The following ARID1B variants were observed in gnomAD, a reference collection of about 807,000 sequenced individuals.
The protein encoded by ARID1B is AT-rich interaction domain 1B, also known as AT-rich interactive domain-containing protein 1B.
Under a neutral mutation model 212.3 loss-of-function variants are expected in ARID1B, and 30 were observed. That is an observed-to-expected ratio of 0.14 (90% CI 0.11 to 0.19). The LOEUF (loss-of-function observed/expected upper bound fraction) is 0.19. Among genes scored for constraint, ARID1B ranks in the 10% least tolerant of loss-of-function variants. The pLI is 1.00. For synonymous variants in ARID1B, 1,402 were observed against 1,301.7 expected (o/e 1.08, Z -1.66); for missense variants, 2,891 against 3,204.0 (o/e 0.90, Z 2.36).
At chr6:156,878,211 T>C (rs1383144302) in intron 2 of ARID1B, among the ~76,000 whole-genome samples, 2 of 152,152 alleles carry the variant, frequency 1.3e-5, no homozygotes, top group Non-Finnish European at 2.9e-5. Flanking sequence ...GGCTACCATT[T>C]CAAGGTACCA....
At chr6:156,974,718 T>G (rs1777121787) in intron 4 of ARID1B, among the ~76,000 whole-genome samples, 1 of 152,206 alleles carries the variant, frequency 6.6e-6, no homozygotes, top group African/African-American at 2.4e-5. Context: ...TATTAGCTGT[T>G]TGTTAAATTG....
chr6:156,988,342 T>C (rs901804471), intron 4 of ARID1B, among the ~76,000 whole-genome samples: 1 of 152,216 alleles, frequency 6.6e-6, no homozygotes, highest in Non-Finnish European at 1.5e-5. Flanking sequence ...GTGAGGTGAC[T>C]CACATTTTGT....
chr6:156,884,750 C>T (rs919593981), intron 2 of ARID1B, among the ~76,000 whole-genome samples: 1 of 152,178 alleles, frequency 6.6e-6, no homozygotes, highest in Admixed American at 6.5e-5. Flanking sequence ...TGCCCAGATA[C>T]TAGTGTTGCT....
chr6:156,784,441 T>C (rs760102913), intron 1 of ARID1B, among the ~76,000 whole-genome samples: 7 of 152,210 alleles, frequency 4.6e-5, no homozygotes, highest in Non-Finnish European at 7.3e-5. Context: ...AATTGGGTAA[T>C]TGAGTGAATT....
At chr6:156,960,810 AT>A (rs10716175) in intron 4 of ARID1B, among the ~76,000 whole-genome samples, 85,630 of 151,930 alleles carry the variant, frequency 0.56, 24,779 homozygotes, top group African/African-American at 0.7. Context: ...ACTTTACTGT[AT>A]TTTTTTTAAG....
At chr6:157,104,242 G>A (rs1232110576) in intron 5 of ARID1B, among the ~76,000 whole-genome samples, 6 of 152,206 alleles carry the variant, frequency 3.9e-5, no homozygotes, top group Non-Finnish European at 8.8e-5. Context: ...CAAGGAAGTA[G>A]CAATGGAGAG....
intron 1 of ARID1B, among the ~76,000 whole-genome samples, chr6:156,781,055 AGAT>A (rs1054554269): frequency 6.6e-6 from 1 of 152,212 alleles, no homozygotes; most frequent in African/African-American, 2.4e-5. Flanking sequence ...CTGATAAACA[AGAT>A]TTAAGCTTCA....
chr6:156,924,591 G>A (rs1009091051), intron 3 of ARID1B, among the ~76,000 whole-genome samples: 2 of 152,174 alleles, frequency 1.3e-5, no homozygotes, highest in Admixed American at 6.5e-5. Context: ...ATTTAAAATT[G>A]TGAATTGTTT....
chr6:156,831,635 T>C (rs763219304), intron 2 of ARID1B, among the ~76,000 whole-genome samples: 3 of 152,234 alleles, frequency 2.0e-5, no homozygotes, highest in African/African-American at 7.2e-5. Flanking sequence ...TACACAGATA[T>C]ATAGAGTAAT....
At chr6:156,855,707 G>A (rs1006756230) in intron 2 of ARID1B, among the ~76,000 whole-genome samples, 5 of 152,150 alleles carry the variant, frequency 3.3e-5, no homozygotes, top group African/African-American at 1.2e-4. Context: ...AATTGTGTGT[G>A]TGTTTCTCTG....
rs774701560 is a variant in ARID1B at position 157,084,771 on chromosome 6, C to G, written c.2357C>G (p.Ala786Gly). The change falls in exon 5 of 20, where the codon GCG (alanine) becomes GGG (glycine). Residue 786 changes from alanine (A) to glycine (G), a missense_variant. This residue lies in a region of ARID1B where 1,643 missense variants were observed against 1,544.0 expected (regional missense o/e 1.06). Coordinates refer to ENST00000636930, the MANE Select transcript of ARID1B (RefSeq NM_001374828.1). ...AGCCAAGGGGATCAGAGCAACCCGG[C>G]GCAGTCGCCTTTCTCCCCACATGCG... ...TSSQGDQSNPAQSPFSPHASP... is the reference protein window; with the variant it reads ...TSSQGDQSNPGQSPFSPHASP... 1.2e-6 allele frequency: 2 copies of G among 1,614,014 alleles called. No homozygotes were observed. The highest frequency in any genetic ancestry group is 2.7e-5 in the African/African-American group (2 of 74,920).
chr6:157,039,549 A>G lies in ARID1B; in HGVS notation c.2248-45113A>G, dbSNP rs1359721917. Among the ~76,000 whole-genome samples, 3 of 151,854 alleles carry G rather than the reference A, an allele frequency of 2.0e-5. No individual in the cohort carries two copies. The East Asian group carries it at 5.8e-4, about 29-fold the overall frequency. ...GTTTCACCTTGTTACCCAGGATGGGACATTTCTTTTTACTGCTTCATTATC... is the reference window on the plus strand; with the variant it reads ...GTTTCACCTTGTTACCCAGGATGGGGCATTTCTTTTTACTGCTTCATTATC... On this transcript the variant is annotated intron_variant, in intron 4 of 19. Coordinates refer to ENST00000636930, the MANE Select transcript of ARID1B (RefSeq NM_001374828.1).
At chr6:156,791,507 C>A (rs1214690831) in intron 1 of ARID1B, among the ~76,000 whole-genome samples, 1 of 152,244 alleles carries the variant, frequency 6.6e-6, no homozygotes, top group African/African-American at 2.4e-5. Flanking sequence ...GACTGAAGTG[C>A]CGTGACCTTC....
At chr6:156,874,303 A>G (rs893128256) in intron 2 of ARID1B, among the ~76,000 whole-genome samples, 1 of 152,150 alleles carries the variant, frequency 6.6e-6, no homozygotes, top group South Asian at 2.1e-4. Context: ...GGTAGGCTCA[A>G]GCTATCCAGC....
chr6:156,984,891 G>T (rs148629404), intron 4 of ARID1B: 334 of 152,182 alleles, frequency 2.2e-3, no homozygotes, highest in Non-Finnish European at 3.8e-3. Context: ...ACGGGGTTTT[G>T]CCCTGTTGCC....
intron 2 of ARID1B, among the ~76,000 whole-genome samples, chr6:156,833,040 G>A (rs906449445): frequency 6.6e-6 from 1 of 152,110 alleles, no homozygotes; most frequent in African/African-American, 2.4e-5. Context: ...TTTTTGTTGA[G>A]TTCAGGGGGG....
chr6:157,176,235 G>A (rs975541082), intron 11 of ARID1B, among the ~76,000 whole-genome samples: 2 of 152,178 alleles, frequency 1.3e-5, no homozygotes, highest in African/African-American at 2.4e-5. Flanking sequence ...AAGAGAAAGC[G>A]CTTCTAGGAT....
rs559194324 is a variant in ARID1B at position 156,895,637 on chromosome 6, A to C, written c.1987-5739A>C. Among the ~76,000 whole-genome samples the C allele has an allele frequency of 3.9e-5, 6 of 152,256 alleles. No homozygotes were observed. In the South Asian group the frequency reaches 1.2e-3, roughly 32 times the overall value. ...GTGGAGGCAAAATCTTTATGGTAAA[A>C]GTGGAAAATTGTGAAATAATTTAGA... On this transcript the variant is annotated intron_variant, in intron 2 of 19. Coordinates refer to ENST00000636930, the MANE Select transcript of ARID1B (RefSeq NM_001374828.1).
intron 3 of ARID1B, among the ~76,000 whole-genome samples, chr6:156,931,961 TAAAAAAAAAAA>T (rs56102774): frequency 5.1e-5 from 5 of 97,402 alleles, no homozygotes; most frequent in African/African-American, 2.2e-4. Context: ...GATTCCGTCT[TAAAAAAAAAAA>T]AAAAAAAAAA....
Sources: allele counts gnomAD v4.1 joint callset (sites outside exome capture counted in the v4.1 genomes callset), GRCh38; gene constraint gnomAD v4.1.1; regional missense constraint gnomAD v4.1.1; transcripts MANE v1.5; gene names NCBI Gene and HGNC (gene_info 2026-07-23, HGNC 2026-07-21).